The following DHX57 variants were observed in gnomAD, a reference collection of about 807,000 sequenced individuals.
DHX57 encodes the protein putative ATP-dependent RNA helicase DHX57.
Under a neutral mutation model 156.2 loss-of-function variants are expected in DHX57, and 105 were observed. That is an observed-to-expected ratio of 0.67 (90% confidence interval 0.57 to 0.79). DHX57 has a LOEUF of 0.79. Ranked by LOEUF, DHX57 falls within the 30% of genes least tolerant of loss-of-function variation. DHX57 has a pLI of 0.00. For synonymous variants in DHX57, 704 were observed against 595.6 expected (o/e 1.18, Z -2.65); for missense variants, 1,847 against 1,661.9 (o/e 1.11, Z -1.94).
At position 38,861,573 on chromosome 2, in the gene DHX57, C is replaced by T. The variant is rs752054212; in HGVS notation, c.837G>A (p.Glu279=). ...ATTTGCGGAATCTACTTGTCAGATACTCCAGTTCTAACCCAATGGTCCAGA... is the reference window on the plus strand; with the variant it reads ...ATTTGCGGAATCTACTTGTCAGATATTCCAGTTCTAACCCAATGGTCCAGA... ...NRVWTIGLEL[E]YLTSRFRKSK... The change falls in exon 5 of 24, where the codon GAG becomes GAA. Residue 279 remains glutamate (E), a synonymous_variant. Transcript: ENST00000457308. The T allele has an allele frequency of 5.0e-6, 8 of 1,614,072 alleles. No individual in the cohort carries two copies. Among genetic ancestry groups the T allele is most frequent in the South Asian group, 1.1e-5 (1 of 91,086 alleles).
At chr2:38,862,374 T>C in intron 3 of DHX57, 41 bp from the exon 4 acceptor site, 6 of 1,429,042 alleles carry the variant, frequency 4.2e-6, no homozygotes, top group Non-Finnish European at 5.6e-6. Context: ...TATTACTTTC[T>C]ACTTACTTCA....
intron 13 of DHX57, among the ~76,000 whole-genome samples, chr2:38,829,777 A>G (rs1463667973): frequency 2.6e-5 from 4 of 152,260 alleles, no homozygotes; most frequent in Non-Finnish European, 5.9e-5. Flanking sequence ...CAGGAAGACA[A>G]TTTTATTAAT....
At chr2:38,866,506 C>G (rs1558407058) in intron 2 of DHX57, among the ~76,000 whole-genome samples, 1 of 152,148 alleles carries the variant, frequency 6.6e-6, no homozygotes, top group Non-Finnish European at 1.5e-5. Context: ...TTTTATATCC[C>G]TGTTACACTC....
At chr2:38,813,293 TA>T (rs1335279598) in intron 21 of DHX57, among the ~76,000 whole-genome samples, 1 of 152,220 alleles carries the variant, frequency 6.6e-6, no homozygotes, top group Non-Finnish European at 1.5e-5. Context: ...TCAGAAGGAT[TA>T]AAAATTTTAT....
At chr2:38,802,609 G>C in intron 23 of DHX57, 106 bp downstream of exon 23, 1 of 1,367,928 alleles carries the variant, frequency 7.3e-7, no homozygotes, top group Middle Eastern at 2.5e-4. Context: ...TTTTTAATTA[G>C]CTCTGTTACC....
At chr2:38,840,462 C>T (rs779908619) in intron 12 of DHX57, among the ~76,000 whole-genome samples, 11 of 151,390 alleles carry the variant, frequency 7.3e-5, no homozygotes, top group Non-Finnish European at 1.3e-4. Context: ...CTCACTGTAG[C>T]CTCCGCCTCC....
chr2:38,810,643 A>G (rs574618224), intron 21 of DHX57: 1 of 663,760 alleles, frequency 1.5e-6, no homozygotes, highest in African/African-American at 1.8e-5. Flanking sequence ...TTTCCCTTCC[A>G]CTCGGTCCTG....
chr2:38,859,213 G>C (rs1673059169), intron 5 of DHX57, among the ~76,000 whole-genome samples: 1 of 152,236 alleles, frequency 6.6e-6, no homozygotes. Context: ...GAATGATGTA[G>C]TGATATGTGC....
chr2:38,811,721 C>T (rs896291177), intron 21 of DHX57: 16 of 676,194 alleles, frequency 2.4e-5, no homozygotes, highest in East Asian at 2.2e-4. Flanking sequence ...GTGAACCACT[C>T]GGGGCCTGGG....
intron 8 of DHX57, 158 bp from the exon 9 acceptor site, chr2:38,854,336 A>G (rs1483236521): frequency 1.6e-6 from 1 of 627,834 alleles, no homozygotes; most frequent in Non-Finnish European, 2.5e-6. Flanking sequence ...CTTGCCAGGG[A>G]CAGTAATAAA....
chr2:38,838,053 G>T, intron 12 of DHX57, 106 bp from the exon 13 acceptor site: 1 of 732,136 alleles, frequency 1.4e-6, no homozygotes, highest in South Asian at 1.7e-5. Context: ...GGTGAGTGTT[G>T]GTTTAATAGC....
chr2:38,869,342 T>A (rs968915016), intron 1 of DHX57, among the ~76,000 whole-genome samples: 1 of 151,916 alleles, frequency 6.6e-6, no homozygotes, highest in Non-Finnish European at 1.5e-5. Context: ...AATAGTGAGG[T>A]TGTGGGGAAA....
chr2:38,822,959 G>C, intron 17 of DHX57, 34 bp downstream of exon 17: 3 of 1,603,772 alleles, frequency 1.9e-6, no homozygotes, highest in Non-Finnish European at 2.6e-6. Context: ...GGTCCTCTTA[G>C]AGACTCCAGT....
rs748785406 is a variant in DHX57, at chr2:38,861,398, C to G, written c.1012G>C (p.Val338Leu). 1 of 1,614,036 alleles carries G rather than the reference C, an allele frequency of 6.2e-7. No homozygotes were observed. Residue 338 changes from valine to leucine, a missense_variant, in exon 5 of 24, where the codon GTA becomes CTA. Transcript: ENST00000457308. ...ATAGCATTAAGATGAGAATCATCTA[C>G]ACTTCTTTCTATTCTTCCAACAATT... ...NQIVGRIERSVDDSHLNAIED... is the reference protein window; with the variant it reads ...NQIVGRIERSLDDSHLNAIED...
intron 9 of DHX57, among the ~76,000 whole-genome samples, chr2:38,851,632 T>C (rs72797369): frequency 0.098 from 14,915 of 152,232 alleles, 861 homozygotes; most frequent in African/African-American, 0.16. Context: ...TTAGGTTTTA[T>C]AAAAATCTTT....
chr2:38,863,585 G>A, intron 2 of DHX57, 66 bp from the exon 3 acceptor site: 1 of 1,507,136 alleles, frequency 6.6e-7, no homozygotes, highest in Non-Finnish European at 9.0e-7. Context: ...CTCTCCTCAG[G>A]GGTCCCCAGA....
At chr2:38,803,486 CA>C (rs1333796470) in intron 22 of DHX57, among the ~76,000 whole-genome samples, 1 of 51,566 alleles carries the variant, frequency 1.9e-5, no homozygotes, top group Non-Finnish European at 5.2e-5. Flanking sequence ...CTACAGCTAA[CA>C]AATTTTTTTT....
intron 1 of DHX57, among the ~76,000 whole-genome samples, chr2:38,875,103 T>G (rs1431400566): frequency 6.6e-6 from 1 of 152,202 alleles, no homozygotes; most frequent in African/African-American, 2.4e-5. Context: ...CGCTTAACAT[T>G]TTAAACGAAG....
In DHX57 at chr2:38,861,682, T is replaced by G. The variant is rs1673225273; in HGVS notation, c.728A>C (p.Glu243Ala). 5 of 1,614,024 alleles carry G rather than the reference T, an allele frequency of 3.1e-6. No individual in the cohort carries two copies. The South Asian group carries it at 4.4e-5, about 14-fold the overall frequency. ...CTCTTCCTGTCGCTGTTCCATACAC[T>G]CATCCAAGCTTATCTGGTTGACTGC... ...SEAVNQISLDECMEQRQEEAF... is the reference protein window; with the variant it reads ...SEAVNQISLDACMEQRQEEAF... The change falls in exon 5 of 24, where the codon GAG (glutamate) becomes GCG (alanine). Residue 243 changes from glutamate to alanine, a missense_variant. By Grantham distance (107) the Glu-to-Ala change is moderately radical (BLOSUM62 -1). Coordinates refer to ENST00000457308, the MANE Select transcript of DHX57 (RefSeq NM_198963.3).
Sources: gnomAD v4.1 joint callset for allele counts (sites outside exome capture counted in the v4.1 genomes callset) on GRCh38, gnomAD v4.1.1 for gene constraint, MANE v1.5 for transcripts, NCBI Gene and HGNC (gene_info 2026-07-23, HGNC 2026-07-21) for gene names.